HSPA4: variants seen among roughly 807,000 people sequenced by gnomAD.
HSPA4 encodes the protein heat shock 70 kDa protein 4.
Under a neutral mutation model 106.2 loss-of-function variants are expected in HSPA4, and 25 were observed. That is an observed-to-expected ratio of 0.24 (90% CI 0.17 to 0.33). The LOEUF is 0.33. Among genes scored for constraint, HSPA4 ranks in the 10% least tolerant of loss-of-function variants. HSPA4 has a pLI of 1.00. For synonymous variants in HSPA4, 332 were observed against 333.6 expected (o/e 1.00, Z 0.05); for missense variants, 841 against 996.0 (o/e 0.84, Z 2.10).
chr5:133,074,722 G>T (rs756910354), intron 6 of HSPA4, among the ~76,000 whole-genome samples: 2 of 152,146 alleles, frequency 1.3e-5, no homozygotes, highest in African/African-American at 4.8e-5. Context: ...ACTGGACTAG[G>T]AATTATAGAT....
chr5:133,055,652 C>G lies in HSPA4; in HGVS notation c.107+3295C>G, dbSNP rs574331991. Among the ~76,000 whole-genome samples, 53 of 152,078 alleles carry G rather than the reference C, an allele frequency of 3.5e-4. No individual in the cohort carries two copies. The East Asian group carries it at 0.01, about 29-fold the overall frequency. The stretch of plus-strand genomic sequence containing the variant: ...ACTGTGGTGAACAAATAAGGTCATG[C>G]CATTATGGACATGGCTGGTGGATTA... On this transcript the variant is annotated intron_variant, in intron 1 of 18. Coordinates refer to ENST00000304858, the MANE Select transcript of HSPA4 (RefSeq NM_002154.4).
intron 16 of HSPA4, among the ~76,000 whole-genome samples, chr5:133,100,117 G>A (rs908139462): frequency 6.6e-6 from 1 of 152,034 alleles, no homozygotes; most frequent in Non-Finnish European, 1.5e-5. Context: ...AGGCTGGAGT[G>A]CAGTGGCGCA....
intron 14 of HSPA4, among the ~76,000 whole-genome samples, chr5:133,096,822 A>G (rs1388611612): frequency 6.6e-6 from 1 of 152,212 alleles, no homozygotes; most frequent in Non-Finnish European, 1.5e-5. Context: ...GCGTGAATGA[A>G]TTTGATTTTT....
intron 8 of HSPA4, 74 bp downstream of exon 8, chr5:133,086,932 T>C: frequency 8.4e-7 from 1 of 1,183,714 alleles, no homozygotes; most frequent in Non-Finnish European, 1.2e-6. Flanking sequence ...ATCTTACTTT[T>C]GCAAGCAGTG....
In HSPA4 at chr5:133,066,995, A is replaced by G. The variant is rs529204362; in HGVS notation, c.166-422A>G. Among the ~76,000 whole-genome samples the G allele has an allele frequency of 9.2e-5, 14 of 152,242 alleles. 1 individual carries two copies. In the South Asian group the frequency reaches 2.9e-3, roughly 32 times the overall value. ...TCAAAGTGCTGGGATTACAGGCGTGAGCCATGACACCCGGCCTTAACTAGA... is the reference window on the plus strand; with the variant it reads ...TCAAAGTGCTGGGATTACAGGCGTGGGCCATGACACCCGGCCTTAACTAGA... On this transcript the variant is annotated intron_variant, in intron 2 of 18. Transcript: ENST00000304858.
intron 10 of HSPA4, 141 bp downstream of exon 10, chr5:133,089,302 A>G (rs1265649243): frequency 6.6e-6 from 4 of 609,806 alleles, no homozygotes; most frequent in Non-Finnish European, 1.1e-5. Context: ...TATTTTAGTC[A>G]GAATAAATTT....
At chr5:133,096,328 C>T in intron 14 of HSPA4, 78 bp downstream of exon 14, 1 of 1,362,756 alleles carries the variant, frequency 7.3e-7, no homozygotes, top group Non-Finnish European at 1.0e-6. Flanking sequence ...TGTCTAGTGA[C>T]TTTTTGCATT....
At chr5:133,066,405 C>T (rs1038005875) in intron 2 of HSPA4, among the ~76,000 whole-genome samples, 3 of 152,094 alleles carry the variant, frequency 2.0e-5, no homozygotes, top group Non-Finnish European at 4.4e-5. Flanking sequence ...TCAGCATTTT[C>T]CCCTCATAAA....
chr5:133,095,987 A>G (rs1311787630), intron 13 of HSPA4, 111 bp from the exon 14 acceptor site: 5 of 816,688 alleles, frequency 6.1e-6, no homozygotes. Context: ...TTAGATCATC[A>G]TCAAAAGAGA....
At chr5:133,093,608 A>T (rs1030724401) in intron 13 of HSPA4, among the ~76,000 whole-genome samples, 1 of 152,058 alleles carries the variant, frequency 6.6e-6, no homozygotes, top group Non-Finnish European at 1.5e-5. Context: ...CTTATGCCTC[A>T]GCCTCCTGGG....
At position 133,092,814 on chromosome 5, in the gene HSPA4, T is replaced by TG. The variant is rs1561585058; in HGVS notation, c.1650+25_1650+26insG. Reference sequence around the variant, plus strand: ...GGTATGCATTGGGTGGTGTTTTTTTTTTTTTTTTTTTTTTTTTTTTTTTTG... The same window carrying TG: ...GGTATGCATTGGGTGGTGTTTTTTTTGTTTTTTTTTTTTTTTTTTTTTTTTG... On this transcript the variant is annotated intron_variant, in intron 13 of 18. Coordinates refer to ENST00000304858, the MANE Select transcript of HSPA4 (RefSeq NM_002154.4). 7.2e-6 allele frequency: 5 copies of TG among 690,524 alleles called. No individual in the cohort carries two copies. The African/African-American group carries it at 1.5e-4, about 20-fold the overall frequency. The allele number at this position is 690,524 out of a possible 1,614,324, so 42.8% of individuals were successfully genotyped here. A position where few individuals can be genotyped will look rare whatever the true frequency, so the allele number is the denominator to read the frequency against.
chr5:133,103,934 G>A lies in HSPA4; in HGVS notation c.2227G>A (p.Glu743Lys), dbSNP rs1765822072. Residue 743 changes from glutamate to lysine, a missense_variant, in exon 18 of 19, where the codon GAG (glutamate) becomes AAG (lysine). Physicochemically the swap from Glu to Lys is moderately conservative, Grantham distance 56. Around this residue, in one of 5 missense-constraint regions of HSPA4, gnomAD observed 328 missense variants for 372.2 expected, o/e 0.88. Coordinates refer to ENST00000304858, the MANE Select transcript of HSPA4 (RefSeq NM_002154.4). ...AGAAAAAAGCACAAATGAAGCAATGGAGTGGATGAATAACAAGCTAAATCT... is the reference window on the plus strand; with the variant it reads ...AGAAAAAAGCACAAATGAAGCAATGAAGTGGATGAATAACAAGCTAAATCT... ...KVEKSTNEAM[E>K]WMNNKLNLQN... is the part of the protein sequence containing the mutation. The A allele has an allele frequency of 6.2e-7, 1 of 1,614,020 alleles. No homozygotes were observed. The highest frequency in any genetic ancestry group is 8.5e-7 in the Non-Finnish European group (1 of 1,179,902).
rs1282197876 is a variant in HSPA4 at position 133,103,924 on chromosome 5, T to C, written c.2217T>C (p.Asn739=). ...TGACAAAGGTAGAAAAAAGCACAAATGAAGCAATGGAGTGGATGAATAACA... is the reference window on the plus strand; with the variant it reads ...TGACAAAGGTAGAAAAAAGCACAAACGAAGCAATGGAGTGGATGAATAACA... ...ADMTKVEKST[N]EAMEWMNNKL... Residue 739 remains asparagine, a synonymous_variant, in exon 18 of 19, where the codon AAT becomes AAC. Transcript: ENST00000304858. 1 of 1,613,948 alleles carries C rather than the reference T, an allele frequency of 6.2e-7. No individual in the cohort carries two copies. Among genetic ancestry groups the C allele is most frequent in the Admixed American group, 1.7e-5 (1 of 59,996 alleles).
At chr5:133,096,000 G>A (rs1765706484) in intron 13 of HSPA4, 98 bp from the exon 14 acceptor site, 3 of 966,388 alleles carry the variant, frequency 3.1e-6, no homozygotes, top group East Asian at 2.7e-5. Flanking sequence ...AAAAGAGAAC[G>A]AAGTAAAAAA....
At chr5:133,079,880 T>A (rs942081421) in intron 7 of HSPA4, among the ~76,000 whole-genome samples, 2 of 152,248 alleles carry the variant, frequency 1.3e-5, no homozygotes, top group African/African-American at 4.8e-5. Flanking sequence ...ATAGCACATG[T>A]GAATAGTGTT....
At chr5:133,066,150 G>C (rs1489673432) in intron 2 of HSPA4, among the ~76,000 whole-genome samples, 1 of 152,194 alleles carries the variant, frequency 6.6e-6, no homozygotes, top group Non-Finnish European at 1.5e-5. Context: ...ATGATTGAGA[G>C]ACAGTTACTA....
At chr5:133,079,408 C>G (rs1765487717) in intron 7 of HSPA4, among the ~76,000 whole-genome samples, 1 of 152,218 alleles carries the variant, frequency 6.6e-6, no homozygotes, top group African/African-American at 2.4e-5. Flanking sequence ...CGTCTGGCTT[C>G]TTTCGTTCTG....
intron 13 of HSPA4, among the ~76,000 whole-genome samples, chr5:133,094,371 A>C (rs1765685544): frequency 6.6e-6 from 1 of 152,242 alleles, no homozygotes; most frequent in South Asian, 2.1e-4. Flanking sequence ...AGTTGGACAG[A>C]ACCTTAAAGT....
chr5:133,083,577 G>T (rs1765541163), intron 7 of HSPA4, among the ~76,000 whole-genome samples: 1 of 151,576 alleles, frequency 6.6e-6, no homozygotes, highest in Non-Finnish European at 1.5e-5. Context: ...TGCTCTTGTT[G>T]CCCAGGCTGG....
Sources: allele counts gnomAD v4.1 joint callset (sites outside exome capture counted in the v4.1 genomes callset), GRCh38; gene constraint gnomAD v4.1.1; regional missense constraint gnomAD v4.1.1; transcripts MANE v1.5; gene names NCBI Gene and HGNC (gene_info 2026-07-23, HGNC 2026-07-21).